The following FOXN3 variants were observed in gnomAD, a reference collection of about 807,000 sequenced individuals.
FOXN3 encodes the protein forkhead box protein N3.
In FOXN3, 7 loss-of-function variants were observed where a neutral mutation model predicts 38.4. That is an observed-to-expected ratio of 0.18 (90% CI 0.10 to 0.34). The LOEUF (loss-of-function observed/expected upper bound fraction) is 0.34, where lower values mean the gene tolerates loss of function less well. Among genes scored for constraint, FOXN3 ranks in the 10% least tolerant of loss-of-function variants. The probability of loss-of-function intolerance (pLI) is 1.00; values close to 1 mark genes in which losing one functional copy is unlikely to be tolerated. For missense variants in FOXN3, 456 were observed against 613.4 expected, an observed-to-expected ratio of 0.74 and a Z score of 2.71; for synonymous variants, 230 against 242.2, an observed-to-expected ratio of 0.95 and a Z score of 0.47.
At chr14:89,242,455 G>A (rs1885168421) in intron 4 of FOXN3, among the ~76,000 whole-genome samples, 1 of 152,062 alleles carries the variant, frequency 6.6e-6, no homozygotes, top group South Asian at 2.1e-4. Flanking sequence ...TTTCCATTCT[G>A]AGACAAAGAA....
intron 3 of FOXN3, among the ~76,000 whole-genome samples, chr14:89,329,783 G>C (rs1758004960): frequency 6.7e-6 from 1 of 149,718 alleles, no homozygotes; most frequent in South Asian, 2.1e-4. Context: ...GTGAACCCGG[G>C]AGGCGGAGCT....
chr14:89,377,354 G>A (rs761178626), intron 2 of FOXN3, among the ~76,000 whole-genome samples: 6 of 147,622 alleles, frequency 4.1e-5, no homozygotes, highest in Non-Finnish European at 7.4e-5. Flanking sequence ...GGTCTTAGTG[G>A]ACAACTGGAG....
At chr14:89,196,487 G>A (rs1888102605) in intron 4 of FOXN3, among the ~76,000 whole-genome samples, 1 of 152,126 alleles carries the variant, frequency 6.6e-6, no homozygotes, top group Non-Finnish European at 1.5e-5. Context: ...GGAAGGGGCC[G>A]GTTTGGTTTT....
At chr14:89,239,725 A>T (rs1178485327) in intron 4 of FOXN3, among the ~76,000 whole-genome samples, 1 of 152,230 alleles carries the variant, frequency 6.6e-6, no homozygotes, top group Non-Finnish European at 1.5e-5. Context: ...TGATAATAAC[A>T]GTCATATCAA....
At chr14:89,176,685 T>C (rs1317980089) in intron 5 of FOXN3, among the ~76,000 whole-genome samples, 2 of 152,230 alleles carry the variant, frequency 1.3e-5, no homozygotes, top group African/African-American at 4.8e-5. Context: ...AATGTTAAAA[T>C]TATGATGAAT....
intron 1 of FOXN3, among the ~76,000 whole-genome samples, chr14:89,569,513 TTAAAA>T (rs1383067528): frequency 6.6e-6 from 1 of 152,136 alleles, no homozygotes; most frequent in Admixed American, 6.5e-5. Flanking sequence ...CTGAACCAAC[TTAAAA>T]TGTATGGCTA....
chr14:89,195,663 T>C (rs188945622), intron 4 of FOXN3, among the ~76,000 whole-genome samples: 3 of 152,242 alleles, frequency 2.0e-5, no homozygotes, highest in Admixed American at 2.0e-4. Flanking sequence ...CAACCCAGTT[T>C]ATCAGCAAAA....
chr14:89,527,719 T>TTTTTTG (rs60566758), intron 1 of FOXN3, among the ~76,000 whole-genome samples: 4 of 146,894 alleles, frequency 2.7e-5, no homozygotes, highest in African/African-American at 1.0e-4. Context: ...TTTTTTTTTT[T>TTTTTTG]GATACAGAGT....
chr14:89,448,253 G>A (rs1002858843), intron 1 of FOXN3, among the ~76,000 whole-genome samples: 5 of 152,134 alleles, frequency 3.3e-5, no homozygotes, highest in African/African-American at 1.2e-4. Context: ...ATTGATCAAA[G>A]AGTTCATATC....
intron 1 of FOXN3, among the ~76,000 whole-genome samples, chr14:89,616,544 A>G (rs1195449771): frequency 9.5e-6 from 1 of 105,614 alleles, no homozygotes; most frequent in Non-Finnish European, 1.8e-5. Context: ...CACCCCACAC[A>G]CAAACGCAGC....
intron 3 of FOXN3, among the ~76,000 whole-genome samples, chr14:89,311,164 G>T (rs1317014618): frequency 2.8e-5 from 4 of 141,088 alleles, no homozygotes; most frequent in Admixed American, 1.5e-4. Context: ...TTAAAAAAAA[G>T]ATCTTTAAAA....
intron 3 of FOXN3, among the ~76,000 whole-genome samples, chr14:89,319,874 T>C (rs1887848563): frequency 6.6e-6 from 1 of 152,180 alleles, no homozygotes; most frequent in African/African-American, 2.4e-5. Flanking sequence ...ACATCAAAAA[T>C]AAACAACATA....
intron 2 of FOXN3, among the ~76,000 whole-genome samples, chr14:89,381,145 C>CAAAAA (rs71130067): frequency 4.2e-4 from 27 of 64,186 alleles, no homozygotes; most frequent in African/African-American, 1.0e-3. Context: ...CCCTCCGTCT[C>CAAAAA]AAAAAAAAAA....
intron 1 of FOXN3, among the ~76,000 whole-genome samples, chr14:89,553,885 A>C (rs1895059646): frequency 6.6e-6 from 1 of 152,232 alleles, no homozygotes; most frequent in African/African-American, 2.4e-5. Flanking sequence ...CTAAATAGTA[A>C]AAGGAAAATA....
chr14:89,346,982 G>A (rs1041788058), intron 3 of FOXN3, among the ~76,000 whole-genome samples: 2 of 152,084 alleles, frequency 1.3e-5, no homozygotes, highest in African/African-American at 4.8e-5. Flanking sequence ...AGCAACTTCA[G>A]GCGAATCCCT....
chr14:89,482,000 A>C (rs1434743716), intron 1 of FOXN3, among the ~76,000 whole-genome samples: 1 of 152,220 alleles, frequency 6.6e-6, no homozygotes, highest in Non-Finnish European at 1.5e-5. Flanking sequence ...CATACCATTC[A>C]AGACTCAATA....
intron 1 of FOXN3, among the ~76,000 whole-genome samples, chr14:89,603,968 T>A (rs890400804): frequency 2.0e-5 from 3 of 152,012 alleles, no homozygotes; most frequent in East Asian, 3.9e-4. Flanking sequence ...AAGGGAAAAG[T>A]CTTTACTAAA....
chr14:89,197,757 C>A (rs929154480), intron 4 of FOXN3, among the ~76,000 whole-genome samples: 1 of 152,160 alleles, frequency 6.6e-6, no homozygotes, highest in African/African-American at 2.4e-5. Context: ...CCCAGAAAAC[C>A]AAACATCAGG....
At chr14:89,380,553 G>A (rs1310937347) in intron 2 of FOXN3, among the ~76,000 whole-genome samples, 1 of 152,196 alleles carries the variant, frequency 6.6e-6, no homozygotes, top group African/African-American at 2.4e-5. Context: ...GCAGTCCAGT[G>A]AGCCCGTACA....
Sources: allele counts gnomAD v4.1 joint callset (sites outside exome capture counted in the v4.1 genomes callset), GRCh38; gene constraint gnomAD v4.1.1; transcripts MANE v1.5; gene names NCBI Gene and HGNC (gene_info 2026-07-23, HGNC 2026-07-21).